Variants in FMN1 observed in about 807,000 individuals in gnomAD.
FMN1 encodes formin-1.
A neutral mutation model predicts 132.4 loss-of-function variants in FMN1; 110 were observed. The ratio of observed to expected loss-of-function variants is 0.83; its 90% CI spans 0.71 to 0.97. The LOEUF (loss-of-function observed/expected upper bound fraction) is 0.97. FMN1 is among the 50% of genes least tolerant of loss of function. The pLI is 0.00. For synonymous variants in FMN1, 722 were observed against 651.7 expected, an observed-to-expected ratio of 1.11 and a Z score of -1.64; for missense variants, 1,792 against 1,705.3, an observed-to-expected ratio of 1.05 and a Z score of -0.90.
At chr15:32,952,067 C>G (rs535971067) in intron 9 of FMN1, among the ~76,000 whole-genome samples, 150 of 152,306 alleles carry the variant, frequency 9.8e-4, no homozygotes, top group Admixed American at 1.9e-3. Flanking sequence ...GTTCTACCTC[C>G]TTTTCCATGC....
intron 7 of FMN1, among the ~76,000 whole-genome samples, chr15:32,970,055 A>G (rs1410978797): frequency 6.6e-6 from 1 of 152,244 alleles, no homozygotes; most frequent in African/African-American, 2.4e-5. Flanking sequence ...TGTCTGTTTC[A>G]TAATATAGCA....
At chr15:32,993,379 A>G (rs2033560699) in intron 7 of FMN1, among the ~76,000 whole-genome samples, 1 of 152,208 alleles carries the variant, frequency 6.6e-6, no homozygotes, top group African/African-American at 2.4e-5. Context: ...TATTTGCCAT[A>G]GATAAGGGTC....
chr15:33,045,771 G>C (rs1473890298), intron 6 of FMN1, among the ~76,000 whole-genome samples: 2 of 152,108 alleles, frequency 1.3e-5, no homozygotes, highest in Non-Finnish European at 2.9e-5. Context: ...AAAATTCACA[G>C]GGATTTTTGT....
chr15:33,133,117 A>G (rs1963618182), intron 4 of FMN1, among the ~76,000 whole-genome samples: 1 of 152,200 alleles, frequency 6.6e-6, no homozygotes, highest in Admixed American at 6.5e-5. Flanking sequence ...CCATCACTAC[A>G]TAGAACTGTG....
At chr15:33,043,849 A>G (rs34243710) in intron 6 of FMN1, among the ~76,000 whole-genome samples, 28,159 of 152,004 alleles carry the variant, frequency 0.19, 2,785 homozygotes, top group African/African-American at 0.24. Context: ...AGGCATCCCC[A>G]TGCTCTTGAG....
chr15:32,957,246 G>A (rs1471418239), intron 9 of FMN1, among the ~76,000 whole-genome samples: 1 of 146,004 alleles, frequency 6.8e-6, no homozygotes, highest in Non-Finnish European at 1.5e-5. Context: ...CTGATTTTCA[G>A]AATGTCGTTG....
At chr15:33,178,130 T>A (rs1965577862) in intron 3 of FMN1, among the ~76,000 whole-genome samples, 1 of 152,074 alleles carries the variant, frequency 6.6e-6, no homozygotes, top group Admixed American at 6.5e-5. Flanking sequence ...CAGCACTGAA[T>A]GTAAAAAAAT....
intron 5 of FMN1, among the ~76,000 whole-genome samples, chr15:33,077,091 G>A (rs1456886056): frequency 6.6e-6 from 1 of 152,158 alleles, no homozygotes; most frequent in African/African-American, 2.4e-5. Flanking sequence ...TGCAGTGGGG[G>A]CAATCTCAGT....
intron 7 of FMN1, among the ~76,000 whole-genome samples, chr15:32,976,786 A>G (rs982070441): frequency 2.6e-5 from 4 of 152,186 alleles, no homozygotes; most frequent in Admixed American, 6.5e-5. Flanking sequence ...AATGAATGCA[A>G]TGCTGGAGAG....
At chr15:32,799,023 G>A (rs560987206) in intron 18 of FMN1, 70 bp from the exon 19 acceptor site, 6 of 1,374,880 alleles carry the variant, frequency 4.4e-6, no homozygotes, top group South Asian at 1.4e-5. Context: ...ATCCATTAGA[G>A]GGGGGATGCT....
intron 8 of FMN1, among the ~76,000 whole-genome samples, chr15:32,967,352 G>A (rs2031338435): frequency 6.6e-6 from 1 of 152,200 alleles, no homozygotes. Context: ...GGACACAGGT[G>A]TGGAACAGCT....
At chr15:32,831,253 G>T (rs543117232) in intron 17 of FMN1, among the ~76,000 whole-genome samples, 2 of 151,656 alleles carry the variant, frequency 1.3e-5, no homozygotes, top group African/African-American at 4.9e-5. Context: ...GGGTTTCGCT[G>T]TGTCAACCAG....
At chr15:32,918,738 G>A (rs1449333923) in intron 10 of FMN1, among the ~76,000 whole-genome samples, 3 of 152,156 alleles carry the variant, frequency 2.0e-5, no homozygotes, top group Non-Finnish European at 4.4e-5. Context: ...GCTTCTGTTC[G>A]TCCATTAGTT....
At chr15:33,083,522 T>C (rs1386097219) in intron 5 of FMN1, among the ~76,000 whole-genome samples, 3 of 152,132 alleles carry the variant, frequency 2.0e-5, no homozygotes, top group East Asian at 1.9e-4. Context: ...GAAATCTGCA[T>C]AAAAACCCTA....
In FMN1 at chr15:32,774,041, C is replaced by T. The variant is rs2056334203; in HGVS notation, c.*269G>A. ...GAAACATTTTGGTATTTCTTCTGCTCTTAGAGTGGACTTTGGGCTTCCACA... is the reference window on the plus strand; with the variant it reads ...GAAACATTTTGGTATTTCTTCTGCTTTTAGAGTGGACTTTGGGCTTCCACA... On this transcript the variant is annotated 3_prime_UTR_variant, in exon 21 of 21. Coordinates refer to ENST00000616417, the MANE Select transcript of FMN1 (RefSeq NM_001277313.2). 2.1e-6 allele frequency: 1 copy of T among 473,378 alleles called. No homozygotes were observed. Among genetic ancestry groups the T allele is most frequent in the Non-Finnish European group, 3.7e-6 (1 of 272,266 alleles). 29.3% of individuals were successfully genotyped at this position (473,378 alleles called of 1,614,324 possible). A position where few individuals can be genotyped will look rare whatever the true frequency, so the allele number is the denominator to read the frequency against.
intron 6 of FMN1, among the ~76,000 whole-genome samples, chr15:33,034,050 A>T (rs947412310): frequency 6.6e-6 from 1 of 151,822 alleles, no homozygotes; most frequent in Non-Finnish European, 1.5e-5. Flanking sequence ...TCACCATCTC[A>T]TCCAGTCTCA....
chr15:32,874,433 A>T (rs2059592527), intron 16 of FMN1, among the ~76,000 whole-genome samples: 1 of 152,182 alleles, frequency 6.6e-6, no homozygotes, highest in African/African-American at 2.4e-5. Context: ...GATGTTTGTA[A>T]TTCCAAGGTA....
At chr15:33,151,026 C>A in intron 4 of FMN1, 1 of 1,164,724 alleles carries the variant, frequency 8.6e-7, no homozygotes, top group Non-Finnish European at 1.1e-6. Context: ...CCTGTATGGG[C>A]TTCCCAGCTG....
chr15:32,910,761 A>G (rs565214502), intron 10 of FMN1, among the ~76,000 whole-genome samples: 3 of 152,344 alleles, frequency 2.0e-5, no homozygotes, highest in East Asian at 3.9e-4. Flanking sequence ...TTAATTCCTC[A>G]GGCTCTGAGT....
Sources: gnomAD v4.1 joint callset for allele counts (sites outside exome capture counted in the v4.1 genomes callset) on GRCh38, gnomAD v4.1.1 for gene constraint, MANE v1.5 for transcripts, NCBI Gene and HGNC (gene_info 2026-07-23, HGNC 2026-07-21) for gene names.